ACVR1B: variants seen among roughly 807,000 people sequenced by gnomAD.
ACVR1B encodes the protein activin receptor type-1B.
A neutral mutation model predicts 55.6 loss-of-function variants in ACVR1B; 15 were observed. The ratio of observed to expected loss-of-function variants is 0.27; its 90% CI spans 0.18 to 0.42. The LOEUF (loss-of-function observed/expected upper bound fraction) is 0.42, where lower values mean the gene tolerates loss of function less well. Among genes scored for constraint, ACVR1B ranks in the 10% least tolerant of loss-of-function variants. The probability of loss-of-function intolerance (pLI) is 1.00; values close to 1 mark genes in which losing one functional copy is unlikely to be tolerated. For missense variants in ACVR1B, 359 were observed against 670.1 expected (o/e 0.54, Z 5.13); for synonymous variants, 247 against 254.6 (o/e 0.97, Z 0.28).
At position 51,984,048 on chromosome 12, in the gene ACVR1B, C is replaced by T. The variant is rs138234168; in HGVS notation, c.861C>T (p.His287=). ...GGCTTGTTTCTGACTATCATGAGCA[C>T]GGGTCCCTGTTTGATTATCTGAACC... ...QLWLVSDYHE[H]GSLFDYLNRY... Residue 287 remains histidine, a synonymous_variant, in exon 5 of 9, where the codon CAC becomes CAT. Transcript: ENST00000257963. 1.6e-4 allele frequency: 251 copies of T among 1,614,178 alleles called. No homozygotes were observed. The highest frequency in any genetic ancestry group is 2.7e-4 in the East Asian group (12 of 44,888).
At chr12:51,982,093 G>A (rs560343280) in intron 4 of ACVR1B, among the ~76,000 whole-genome samples, 2 of 152,294 alleles carry the variant, frequency 1.3e-5, no homozygotes, top group Admixed American at 1.3e-4. Flanking sequence ...AAAGGATGAC[G>A]AGTAAGGGTG....
chr12:51,968,546 T>TG (rs1410221945), intron 1 of ACVR1B, among the ~76,000 whole-genome samples: 1 of 152,244 alleles, frequency 6.6e-6, no homozygotes, highest in East Asian at 1.9e-4. Context: ...CTCTTTCCAA[T>TG]AGGCAGGGTC....
At chr12:51,973,801 G>T (rs568943504) in intron 1 of ACVR1B, among the ~76,000 whole-genome samples, 1 of 152,262 alleles carries the variant, frequency 6.6e-6, no homozygotes, top group East Asian at 1.9e-4. Context: ...CAGGCCATAA[G>T]TGAAGATCTG....
intron 7 of ACVR1B, among the ~76,000 whole-genome samples, chr12:51,989,991 G>GAAAAAAAAAAAAAAAAAA (rs201008907): frequency 1.4e-5 from 2 of 146,108 alleles, no homozygotes; most frequent in South Asian, 4.4e-4. Flanking sequence ...CTCAAAAAAG[G>GAAAAAAAAAAAAAAAAAA]AAAAAAAAAT....
rs1942249994 is a variant in ACVR1B, at chr12:51,994,051, G to C, written c.1459G>C (p.Ala487Pro). 1 of 1,613,980 alleles carries C rather than the reference G, an allele frequency of 6.2e-7. No homozygotes were observed. The highest frequency in any genetic ancestry group is 1.7e-5 in the Admixed American group (1 of 60,010). The change falls in exon 9 of 9, where the codon GCC becomes CCC. Residue 487 changes from alanine to proline, a missense_variant. Coordinates refer to ENST00000257963, the MANE Select transcript of ACVR1B (RefSeq NM_004302.5). This position sits in a 1 kb window ranked among gnomAD's most constrained non-coding sequence, Gnocchi z 4.2. ...WYANGAARLT[A>P]LRIKKTLSQL... ...TGCCAACGGCGCAGCCCGCCTGACG[G>C]CCCTGCGCATCAAGAAGACCCTCTC...
At chr12:51,991,672 G>T (rs1942193015) in intron 7 of ACVR1B, among the ~76,000 whole-genome samples, 191 bp from the exon 8 acceptor site, 1 of 152,206 alleles carries the variant, frequency 6.6e-6, no homozygotes, top group African/African-American at 2.4e-5. Flanking sequence ...AAAGTGCTGG[G>T]ATTACAGGCA....
At chr12:51,986,662 A>T (rs1592260143) in intron 6 of ACVR1B, among the ~76,000 whole-genome samples, 156 bp from the exon 7 acceptor site, 1 of 152,320 alleles carries the variant, frequency 6.6e-6, no homozygotes, top group East Asian at 1.9e-4. Flanking sequence ...AAAACATGGG[A>T]GTTTGCAATG....
At chr12:51,979,449 A>G (rs1324735506) in intron 3 of ACVR1B, among the ~76,000 whole-genome samples, 2 of 137,904 alleles carry the variant, frequency 1.5e-5, no homozygotes, top group African/African-American at 5.4e-5. Flanking sequence ...CCTGGGTGAC[A>G]GAGCGAGACA....
chr12:51,977,607 CTTTTTTTTTTTT>C (rs71443237), intron 3 of ACVR1B, among the ~76,000 whole-genome samples: 2 of 122,976 alleles, frequency 1.6e-5, no homozygotes, highest in South Asian at 2.5e-4. Context: ...TATTGCATTC[CTTTTTTTTTTTT>C]TTTTTTTTTG....
intron 7 of ACVR1B, among the ~76,000 whole-genome samples, chr12:51,990,594 G>A (rs1942172061): frequency 6.6e-6 from 1 of 152,236 alleles, no homozygotes; most frequent in Non-Finnish European, 1.5e-5. Flanking sequence ...AGAATTAGAG[G>A]TGTGAGCCAT....
At chr12:51,984,951 A>G (rs896574584) in intron 5 of ACVR1B, among the ~76,000 whole-genome samples, 1 of 152,232 alleles carries the variant, frequency 6.6e-6, no homozygotes, top group East Asian at 1.9e-4. Context: ...ATGTCCTTCT[A>G]TGGTCGTAAC....
At chr12:51,983,212 G>C (rs1150054) in intron 4 of ACVR1B, among the ~76,000 whole-genome samples, 3,571 of 152,246 alleles carry the variant, frequency 0.023, 122 homozygotes, top group African/African-American at 0.083. Flanking sequence ...AATTGACAAC[G>C]GCATGGCTTA....
Position 51,975,341 on chromosome 12 carries a change from T to G in ACVR1B, c.168T>G (p.Ile56Met), listed in dbSNP as rs920805019. Residue 56 changes from isoleucine to methionine, a missense_variant, in exon 2 of 9, where the codon ATT becomes ATG. This residue lies in a region of ACVR1B where 133 missense variants were observed against 188.2 expected (regional missense o/e 0.71). Transcript: ENST00000257963. The part of the protein sequence containing the change: ...CETDGACMVS[I>M]FNLDGMEHHV... Reference sequence around the variant, plus strand: ...CAGATGGGGCCTGCATGGTTTCCATTTTCAATCTGGATGGGATGGAGCACC... The same window carrying G: ...CAGATGGGGCCTGCATGGTTTCCATGTTCAATCTGGATGGGATGGAGCACC... The G allele has an allele frequency of 1.9e-6, 3 of 1,614,062 alleles. No individual in the cohort carries two copies. In the African/African-American group the frequency reaches 4.0e-5, roughly 22 times the overall value.
chr12:51,964,993 AAAAC>A (rs1486549611), intron 1 of ACVR1B, among the ~76,000 whole-genome samples: 6 of 151,888 alleles, frequency 4.0e-5, no homozygotes, highest in South Asian at 2.1e-4. Flanking sequence ...TTTCTGGAAA[AAAAC>A]AAAAAAAAGG....
At position 51,991,894 on chromosome 12, in the gene ACVR1B, C is replaced by T. The variant is rs373149746; in HGVS notation, c.1293C>T (p.Tyr431=). 144 of 1,613,894 alleles carry T rather than the reference C, an allele frequency of 8.9e-5. No homozygotes were observed. Among genetic ancestry groups the T allele is most frequent in the Non-Finnish European group, 1.1e-4 (129 of 1,179,956 alleles). The change falls in exon 8 of 9, where the codon TAC becomes TAT. Residue 431 remains tyrosine (Y), a synonymous_variant. Coordinates refer to ENST00000257963, the MANE Select transcript of ACVR1B (RefSeq NM_004302.5). ...ATGAAGAATATCAGCTGCCATATTA[C>T]GACTTAGTGCCCTCTGACCCTTCCA... ...GVHEEYQLPY[Y]DLVPSDPSIE...
At chr12:51,957,800 A>G (rs1941443204) in intron 1 of ACVR1B, among the ~76,000 whole-genome samples, 1 of 152,170 alleles carries the variant, frequency 6.6e-6, no homozygotes, top group Admixed American at 6.5e-5. Flanking sequence ...TGCCTGAACT[A>G]AGCTTCTCTA....
At chr12:51,959,843 C>T (rs1592242617) in intron 1 of ACVR1B, among the ~76,000 whole-genome samples, 1 of 150,648 alleles carries the variant, frequency 6.6e-6, no homozygotes, top group African/African-American at 2.4e-5. Context: ...ATTGTGGATG[C>T]TTTGGAAATA....
At chr12:51,965,716 A>G (rs1283079734) in intron 1 of ACVR1B, among the ~76,000 whole-genome samples, 1 of 152,210 alleles carries the variant, frequency 6.6e-6, no homozygotes, top group Non-Finnish European at 1.5e-5. Flanking sequence ...TGGGATAATG[A>G]GCTTGGAGAA....
intron 1 of ACVR1B, among the ~76,000 whole-genome samples, chr12:51,952,318 C>T (rs1488945115): frequency 6.6e-6 from 1 of 152,122 alleles, no homozygotes; most frequent in African/African-American, 2.4e-5. Context: ...TGAGAGTCCG[C>T]GCACCTCAGA....
Sources: gnomAD v4.1 joint callset for allele counts (sites outside exome capture counted in the v4.1 genomes callset) on GRCh38, gnomAD v4.1.1 for gene constraint, gnomAD v4.1.1 regional missense constraint, Gnocchi (gnomAD v3.1) non-coding constraint, MANE v1.5 for transcripts, NCBI Gene and HGNC (gene_info 2026-07-23, HGNC 2026-07-21) for gene names.